Variants in SLC16A7 observed in about 807,000 individuals in gnomAD.
SLC16A7 encodes solute carrier family 16 member 7.
A neutral mutation model predicts 34.9 loss-of-function variants in SLC16A7; 33 were observed. That is an observed-to-expected ratio of 0.94 (90% CI 0.72 to 1.26). The LOEUF (loss-of-function observed/expected upper bound fraction) is 1.26, where lower values mean the gene tolerates loss of function less well. Among genes scored for constraint, SLC16A7 ranks in the 50% most tolerant of loss-of-function variants. The probability of loss-of-function intolerance (pLI) is 0.00; values close to 1 mark genes in which losing one functional copy is unlikely to be tolerated. For missense variants in SLC16A7, 573 were observed against 578.1 expected, an observed-to-expected ratio of 0.99 and a Z score of 0.09; for synonymous variants, 201 against 206.6, an observed-to-expected ratio of 0.97 and a Z score of 0.23.
At chr12:59,622,519 C>G (rs1046828763) in intron 1 of SLC16A7, among the ~76,000 whole-genome samples, 2 of 151,622 alleles carry the variant, frequency 1.3e-5, no homozygotes, top group African/African-American at 4.8e-5. Flanking sequence ...AGATTAAAGC[C>G]TTCGTTTTCA....
intron 4 of SLC16A7, 140 bp from the exon 5 acceptor site, chr12:59,774,517 A>G (rs576504590): frequency 1.9e-4 from 97 of 513,612 alleles, no homozygotes; most frequent in African/African-American, 1.7e-3. Flanking sequence ...AATTACATTT[A>G]TAATAATCAA....
Position 59,786,761 on chromosome 12 carries a change from G to A in SLC16A7, c.*7082G>A, listed in dbSNP as rs900840081. ...CAATACTCTGAATAAATGCAGGGTT[G>A]GAGATAGAATTCAGGTCTTTTAACT... On this transcript the variant is annotated 3_prime_UTR_variant, in exon 6 of 6. Coordinates refer to ENST00000547379, the MANE Select transcript of SLC16A7 (RefSeq NM_001270623.2). The A allele has an allele frequency of 2.0e-5, 3 of 152,068 alleles. No individual in the cohort carries two copies. The highest frequency in any genetic ancestry group is 2.9e-5 in the Non-Finnish European group (2 of 68,000). The allele number at this position is 152,068 out of a possible 1,614,324, so 9.4% of individuals were successfully genotyped here. A position where few individuals can be genotyped will look rare whatever the true frequency, so the allele number is the denominator to read the frequency against.
chr12:59,603,598 A>G (rs966125566), intron 1 of SLC16A7, among the ~76,000 whole-genome samples: 1 of 152,236 alleles, frequency 6.6e-6, no homozygotes, highest in Non-Finnish European at 1.5e-5. Context: ...CTAAAATTTC[A>G]GGAACATTAT....
In SLC16A7 at chr12:59,788,973, T is replaced by TA. The variant is rs1324010455; in HGVS notation, c.*9301dup. ...ACAGCGTTATATGAACATAATGTTT[T>TA]AAAAAAATCTTGGTTGTAGTTTCTA... On this transcript the variant is annotated 3_prime_UTR_variant, in exon 6 of 6. Coordinates refer to ENST00000547379, the MANE Select transcript of SLC16A7 (RefSeq NM_001270623.2). The TA allele has an allele frequency of 2.0e-5, 3 of 152,206 alleles. No homozygotes were observed. In the East Asian group the frequency reaches 5.8e-4, roughly 29 times the overall value. 9.4% of individuals were successfully genotyped at this position (152,206 alleles called of 1,614,324 possible).
intron 2 of SLC16A7, among the ~76,000 whole-genome samples, chr12:59,687,738 A>G (rs1213815159): frequency 3.3e-5 from 5 of 152,046 alleles, no homozygotes; most frequent in South Asian, 4.1e-4. Flanking sequence ...ATTTTCTGGG[A>G]TCCAGGCTAA....
intron 1 of SLC16A7, among the ~76,000 whole-genome samples, chr12:59,633,616 G>A (rs1880284166): frequency 6.6e-6 from 1 of 151,430 alleles, no homozygotes; most frequent in Admixed American, 6.6e-5. Context: ...ACTGCTATAA[G>A]TAACTACCAG....
intron 3 of SLC16A7, among the ~76,000 whole-genome samples, chr12:59,767,344 G>A (rs934486128): frequency 6.6e-6 from 1 of 151,972 alleles, no homozygotes; most frequent in Non-Finnish European, 1.5e-5. Flanking sequence ...ACAACAGATT[G>A]TCAGTGTTGA....
intron 1 of SLC16A7, among the ~76,000 whole-genome samples, chr12:59,605,314 C>T (rs1878885336): frequency 2.0e-5 from 3 of 152,092 alleles, no homozygotes; most frequent in Admixed American, 2.0e-4. Flanking sequence ...GGCTGGAGAA[C>T]CAGTAGGGAC....
chr12:59,775,140 C>T lies in SLC16A7; in HGVS notation c.845C>T (p.Ala282Val). ...AKDQGIDEYS[A>V]AFLLSVMAFV... is the part of the protein sequence containing the mutation. Reference sequence around the variant, plus strand: ...GACCAAGGAATTGATGAGTACTCGGCAGCTTTTCTGCTATCTGTTATGGCT... The same window carrying T: ...GACCAAGGAATTGATGAGTACTCGGTAGCTTTTCTGCTATCTGTTATGGCT... The change falls in exon 5 of 6, where the codon GCA (alanine) becomes GTA (valine). Residue 282 changes from alanine to valine, a missense_variant. Coordinates refer to ENST00000547379, the MANE Select transcript of SLC16A7 (RefSeq NM_001270623.2). 6.2e-7 allele frequency: 1 copy of T among 1,614,128 alleles called. No individual in the cohort carries two copies.
chr12:59,692,128 T>C (rs1388492812), intron 2 of SLC16A7, among the ~76,000 whole-genome samples: 1 of 152,026 alleles, frequency 6.6e-6, no homozygotes, highest in African/African-American at 2.4e-5. Context: ...TGGCATTCCT[T>C]GGCTTGTGGT....
intron 3 of SLC16A7, among the ~76,000 whole-genome samples, chr12:59,736,843 C>G (rs545495585): frequency 3.2e-4 from 49 of 152,308 alleles, no homozygotes; most frequent in African/African-American, 1.2e-3. Context: ...TCTAGTCTTG[C>G]ATTAGCATGC....
intron 1 of SLC16A7, among the ~76,000 whole-genome samples, chr12:59,653,262 A>G (rs894044595): frequency 4.0e-5 from 6 of 151,772 alleles, no homozygotes; most frequent in Non-Finnish European, 7.4e-5. Flanking sequence ...GATGAATAAA[A>G]AAGAAAAGAG....
chr12:59,712,114 G>A (rs1432201311), intron 3 of SLC16A7, among the ~76,000 whole-genome samples: 1 of 152,162 alleles, frequency 6.6e-6, no homozygotes, highest in Non-Finnish European at 1.5e-5. Context: ...CTCCTGCTCA[G>A]AGTCATTATT....
At chr12:59,758,611 A>C (rs1284387896) in intron 3 of SLC16A7, among the ~76,000 whole-genome samples, 2 of 152,276 alleles carry the variant, frequency 1.3e-5, no homozygotes, top group East Asian at 1.9e-4. Context: ...GCAGAATGTG[A>C]ATGGAATCAT....
intron 1 of SLC16A7, among the ~76,000 whole-genome samples, chr12:59,598,616 C>A (rs1261817242): frequency 6.6e-6 from 1 of 152,116 alleles, no homozygotes; most frequent in Non-Finnish European, 1.5e-5. Flanking sequence ...TTCTCAGGAA[C>A]CTGTATTCAG....
chr12:59,726,476 T>C (rs1876249062), intron 3 of SLC16A7, among the ~76,000 whole-genome samples: 1 of 152,052 alleles, frequency 6.6e-6, no homozygotes, highest in East Asian at 1.9e-4. Flanking sequence ...ATTGGATTGA[T>C]TTCAGGTACT....
intron 3 of SLC16A7, among the ~76,000 whole-genome samples, chr12:59,709,676 A>T (rs921396449): frequency 2.0e-5 from 3 of 151,654 alleles, no homozygotes; most frequent in Non-Finnish European, 4.4e-5. Context: ...GTACACTTTG[A>T]CAGCCCTGTG....
At chr12:59,729,428 C>G (rs912002790) in intron 3 of SLC16A7, among the ~76,000 whole-genome samples, 1 of 152,206 alleles carries the variant, frequency 6.6e-6, no homozygotes, top group East Asian at 1.9e-4. Flanking sequence ...GCCTCTCTCT[C>G]TTTATTCTGT....
intron 3 of SLC16A7, among the ~76,000 whole-genome samples, chr12:59,766,036 A>C (rs1223111108): frequency 6.6e-6 from 1 of 152,142 alleles, no homozygotes; most frequent in African/African-American, 2.4e-5. Context: ...TTCTCCTTGA[A>C]GAGGTCCTTC....
Sources: allele counts gnomAD v4.1 joint callset (sites outside exome capture counted in the v4.1 genomes callset), GRCh38; gene constraint gnomAD v4.1.1; transcripts MANE v1.5; gene names NCBI Gene and HGNC (gene_info 2026-07-23, HGNC 2026-07-21).